The following FRMD6 variants were observed in gnomAD, a reference collection of about 807,000 sequenced individuals.
FRMD6 encodes FERM domain containing 6.
In FRMD6, 37 loss-of-function variants were observed where a neutral mutation model predicts 73.2. That is an observed-to-expected ratio of 0.51 (90% confidence interval 0.39 to 0.66). FRMD6 has a LOEUF of 0.66. FRMD6 is among the 30% of genes least tolerant of loss of function. The pLI, the probability that FRMD6 is intolerant of heterozygous loss-of-function variation, is 0.00. For synonymous variants in FRMD6, 273 were observed against 282.2 expected (o/e 0.97, Z 0.33); for missense variants, 714 against 780.5 (o/e 0.91, Z 1.02).
chr14:51,591,532 T>C (rs1208842179), intron 2 of FRMD6, among the ~76,000 whole-genome samples: 1 of 152,210 alleles, frequency 6.6e-6, no homozygotes, highest in Non-Finnish European at 1.5e-5. Flanking sequence ...TATTTTAAAT[T>C]CAGAGTACTA....
At position 51,729,534 on chromosome 14, in the gene FRMD6, TACA is replaced by T. The variant is rs1327365905; in HGVS notation, c.*1509_*1511del. On this transcript the variant is annotated 3_prime_UTR_variant, in exon 14 of 14. Transcript: ENST00000344768. ...AGATATTTTTAATGATTTAGTATTT[TACA>T]ACATTTGTTTACCATATTTTGATAT... is the stretch of plus-strand genomic sequence containing the variant. 9.8e-5 allele frequency: 15 copies of T among 152,682 alleles called. No individual in the cohort carries two copies. The highest frequency in any genetic ancestry group is 9.2e-4 in the Admixed American group (14 of 15,284). The allele number at this position is 152,682 out of a possible 1,614,324, so 9.5% of individuals were successfully genotyped here.
chr14:51,598,003 T>C (rs896643910), intron 2 of FRMD6, among the ~76,000 whole-genome samples: 2 of 152,190 alleles, frequency 1.3e-5, no homozygotes, highest in Non-Finnish European at 2.9e-5. Flanking sequence ...AATATGAATA[T>C]GGAATTTGAA....
chr14:51,708,045 A>G (rs1448717526), intron 6 of FRMD6, 33 bp from the exon 7 acceptor site: 1 of 1,607,640 alleles, frequency 6.2e-7, no homozygotes, highest in African/African-American at 1.3e-5. Context: ...TCTCCAACAA[A>G]TGTTGCATTG....
chr14:51,423,790 A>G, the FRMD6 span, among the ~76,000 whole-genome samples: 3 of 152,100 alleles, frequency 2.0e-5, no homozygotes, highest in East Asian at 1.9e-4. Context: ...CCCCCTTTTC[A>G]TCCTTACTCC....
intron 2 of FRMD6, among the ~76,000 whole-genome samples, chr14:51,591,837 G>A (rs567949116): frequency 1.3e-5 from 2 of 152,158 alleles, no homozygotes; most frequent in Non-Finnish European, 2.9e-5. Flanking sequence ...CACCACATCC[G>A]GCCACTATTT....
chr14:51,698,461 C>G (rs115992811), intron 3 of FRMD6, among the ~76,000 whole-genome samples: 1,850 of 152,114 alleles, frequency 0.012, 49 homozygotes, highest in African/African-American at 0.042. Flanking sequence ...ATAGTTTGAA[C>G]TTAAAAATTG....
chr14:51,540,329 A>T (rs1566801942), intron 1 of FRMD6, among the ~76,000 whole-genome samples: 1 of 152,148 alleles, frequency 6.6e-6, no homozygotes, highest in Non-Finnish European at 1.5e-5. Flanking sequence ...CAGAGAAAGA[A>T]GGTTGGGAAG....
intron 1 of FRMD6, among the ~76,000 whole-genome samples, chr14:51,539,166 T>C (rs927406932): frequency 2.0e-5 from 3 of 151,994 alleles, no homozygotes; most frequent in Non-Finnish European, 2.9e-5. Flanking sequence ...CACACTAAGC[T>C]CCCCCTTGTC....
intron 1 of FRMD6, among the ~76,000 whole-genome samples, chr14:51,550,880 G>A (rs1176761750): frequency 1.3e-5 from 2 of 152,102 alleles, no homozygotes; most frequent in African/African-American, 4.8e-5. Context: ...TTTAGCACTT[G>A]TCACATAAAA....
At chr14:51,614,799 T>A (rs912415937) in intron 2 of FRMD6, among the ~76,000 whole-genome samples, 4 of 152,194 alleles carry the variant, frequency 2.6e-5, no homozygotes, top group Non-Finnish European at 5.9e-5. Context: ...TGGTCTCACA[T>A]AATTATAGAC....
chr14:51,647,313 C>G (rs1171619120), upstream of FRMD6, among the ~76,000 whole-genome samples: 4 of 152,034 alleles, frequency 2.6e-5, no homozygotes, highest in African/African-American at 9.7e-5. Context: ...AATAATTATG[C>G]GTATTCCTGG....
chr14:51,558,239 T>C (rs973118197), intron 1 of FRMD6, among the ~76,000 whole-genome samples: 5 of 152,018 alleles, frequency 3.3e-5, no homozygotes, highest in African/African-American at 1.2e-4. Flanking sequence ...AAGGCTAAGG[T>C]GGCAGATCAC....
intron 2 of FRMD6, among the ~76,000 whole-genome samples, chr14:51,575,255 C>A (rs1888340060): frequency 6.6e-6 from 1 of 152,170 alleles, no homozygotes. Context: ...GATCCAGAGG[C>A]AGTCTGAATT....
chr14:51,441,689 A>C, the FRMD6 span, among the ~76,000 whole-genome samples: 1 of 152,214 alleles, frequency 6.6e-6, no homozygotes, highest in East Asian at 1.9e-4. Flanking sequence ...CCATGCGTGT[A>C]GAGTTTTAAC....
intron 2 of FRMD6, among the ~76,000 whole-genome samples, chr14:51,572,465 C>T (rs994684536): frequency 4.6e-5 from 7 of 152,124 alleles, no homozygotes; most frequent in Non-Finnish European, 7.3e-5. Flanking sequence ...ATAGCATATG[C>T]TGGAAAGGTA....
chr14:51,513,291 T>C (rs1884422594), intron 1 of FRMD6, among the ~76,000 whole-genome samples: 1 of 152,202 alleles, frequency 6.6e-6, no homozygotes, highest in Non-Finnish European at 1.5e-5. Flanking sequence ...CAGGCTGCAT[T>C]TCCTGATCTC....
chr14:51,469,452 A>C, the FRMD6 span, among the ~76,000 whole-genome samples: 3 of 150,628 alleles, frequency 2.0e-5, no homozygotes, highest in Non-Finnish European at 4.4e-5. Context: ...TCTCTACTAA[A>C]AATACAAAAA....
the FRMD6 span, among the ~76,000 whole-genome samples, chr14:51,407,391 G>A: frequency 0.48 from 71,821 of 151,182 alleles, 17,799 homozygotes; most frequent in East Asian, 0.7. Flanking sequence ...GTGTAATTAG[G>A]ATTATTTTTT....
intron 2 of FRMD6, among the ~76,000 whole-genome samples, chr14:51,571,576 G>A (rs1017312089): frequency 2.0e-5 from 3 of 152,170 alleles, no homozygotes; most frequent in African/African-American, 7.2e-5. Context: ...TAAAGATACT[G>A]TCGTTCTTAA....
Sources: gnomAD v4.1 joint callset for allele counts (sites outside exome capture counted in the v4.1 genomes callset) on GRCh38, gnomAD v4.1.1 for gene constraint, MANE v1.5 for transcripts, NCBI Gene and HGNC (gene_info 2026-07-23, HGNC 2026-07-21) for gene names.